The following ECE1 variants were observed in gnomAD, a reference collection of about 807,000 sequenced individuals.
ECE1 encodes endothelin converting enzyme 1.
A neutral mutation model predicts 98.6 loss-of-function variants in ECE1; 35 were observed. That is an observed-to-expected ratio of 0.35 (90% CI 0.27 to 0.47). The LOEUF is 0.47. Ranked by LOEUF, ECE1 falls within the 20% of genes least tolerant of loss-of-function variation. The pLI is 1.00. For missense variants in ECE1, 814 were observed against 1,025.3 expected (o/e 0.79, Z 2.81); for synonymous variants, 394 against 407.1 (o/e 0.97, Z 0.39).
intron 3 of ECE1, among the ~76,000 whole-genome samples, chr1:21,277,515 A>G (rs2098248916): frequency 6.6e-6 from 1 of 152,180 alleles, no homozygotes; most frequent in African/African-American, 2.4e-5. Context: ...CTGAGGCGAC[A>G]TGGCAGTGGC....
In ECE1 at chr1:21,233,590, G is replaced by A. The variant is rs202222719; in HGVS notation, c.1638C>T (p.Ala546=). Residue 546 remains alanine (A), a synonymous_variant, in exon 14 of 19, where the codon GCC becomes GCT. Transcript: ENST00000374893. This position sits in a 1 kb window ranked among gnomAD's most constrained non-coding sequence, Gnocchi z 4.0. ...TGTTGGGGGCTTTCCTGAGCTGATC[G>A]GCAGTGACCCTCCATGAGAAGTTGA... ...RFFNFSWRVT[A]DQLRKAPNRD... The A allele has an allele frequency of 3.2e-5, 52 of 1,613,850 alleles. 1 individual carries two copies. In the Admixed American group the frequency reaches 6.8e-4, roughly 21 times the overall value.
intron 1 of ECE1, among the ~76,000 whole-genome samples, chr1:21,296,161 G>T (rs962942542): frequency 6.6e-6 from 1 of 152,070 alleles, no homozygotes; most frequent in Non-Finnish European, 1.5e-5. Context: ...ATAACAGATT[G>T]CCCAGGTGAT....
chr1:21,285,907 G>A lies in ECE1; in HGVS notation c.138+4163C>T, dbSNP rs2098260034. On this transcript the variant is annotated intron_variant, in intron 2 of 18. Coordinates refer to ENST00000374893, the MANE Select transcript of ECE1 (RefSeq NM_001397.3). ...CTGGGGAGGCTGAGGTGGGAGAATT[G>A]CTTGAACCCAGGAGGTGGAGGTTGC... 2.0e-5 allele frequency among the ~76,000 whole-genome samples: 3 copies of A among 150,582 alleles called. No homozygotes were observed. The South Asian group carries it at 6.3e-4, about 32-fold the overall frequency.
At position 21,225,259 on chromosome 1, in the gene ECE1, C is replaced by A; in HGVS notation, c.2031G>T (p.Ala677=). The change falls in exon 17 of 19, where the codon GCG becomes GCT. Residue 677 remains alanine, a synonymous_variant. Coordinates refer to ENST00000374893, the MANE Select transcript of ECE1 (RefSeq NM_001397.3). This position sits in a 1 kb window ranked among gnomAD's most constrained non-coding sequence, Gnocchi z 5.3. ...ENIADNGGLK[A]AYRAYQNWVK... ...GGAGCGGGGCTCTCACCCGATAGGC[C>A]GCCTTGAGACCCCCGTTGTCGGCGA... is the stretch of plus-strand genomic sequence containing the variant. 1 of 1,614,112 alleles carries A rather than the reference C, an allele frequency of 6.2e-7. No homozygotes were observed. The highest frequency in any genetic ancestry group is 8.5e-7 in the Non-Finnish European group (1 of 1,180,024).
In ECE1 at chr1:21,327,737, C is replaced by T. The variant is rs527994533; in HGVS notation, c.3+17639G>A. Among the ~76,000 whole-genome samples the T allele has an allele frequency of 6.6e-6, 1 of 152,204 alleles. No individual in the cohort carries two copies. The highest frequency in any genetic ancestry group is 1.5e-5 in the Non-Finnish European group (1 of 68,044). On this transcript the variant is annotated intron_variant, in intron 1 of 18. Coordinates refer to the ECE1 transcript ENST00000415912. This position sits in a 1 kb window ranked among gnomAD's most constrained non-coding sequence, Gnocchi z 4.6. ...TACACAGCTGGGGTCCCCAGCCCCC[C>T]GGGCCTCAGACCAGTACCAGTCCAT...
rs199733557 is a variant in ECE1 at position 21,225,406 on chromosome 1, T to G, written c.1884A>C (p.Pro628=). ...CCTCCACGGATGAGTTCTTCCACCA[T>G]GGCCGGAGGTTCCCGTCCTTGTCAT... The part of the protein sequence containing the change: ...REYDKDGNLR[P]WWKNSSVEAF... Residue 628 remains proline, a synonymous_variant, in exon 17 of 19, where the codon CCA becomes CCC. Coordinates refer to ENST00000374893, the MANE Select transcript of ECE1 (RefSeq NM_001397.3). The surrounding 1 kb of genome is among the most constrained non-coding windows in gnomAD (Gnocchi z 5.3). 165 of 1,614,082 alleles carry G rather than the reference T, an allele frequency of 1.0e-4. No individual in the cohort carries two copies. The Admixed American group carries it at 1.4e-3, about 13-fold the overall frequency.
rs1195850085 is a variant in ECE1, at chr1:21,247,479, C to G, written c.1021-116G>C. 2.0e-6 allele frequency: 3 copies of G among 1,480,730 alleles called. No homozygotes were observed. In the East Asian group the frequency reaches 6.9e-5, roughly 34 times the overall value. The allele number at this position is 1,480,730 out of a possible 1,614,324, so 91.7% of individuals were successfully genotyped here. ...AGAGCTTGGGCTTGGCGCCATCTGA[C>G]AGCGCACCGGGCAGAGAGTCAAGCG... is the stretch of plus-strand genomic sequence containing the variant. On this transcript the variant is annotated intron_variant, in intron 8 of 18. Transcript: ENST00000374893.
At chr1:21,289,384 G>A (rs988653959) in intron 2 of ECE1, among the ~76,000 whole-genome samples, 6 of 152,138 alleles carry the variant, frequency 3.9e-5, no homozygotes, top group Admixed American at 2.0e-4. Flanking sequence ...AGGGCAGAAA[G>A]CAGCCTTGCT....
intron 1 of ECE1, among the ~76,000 whole-genome samples, chr1:21,296,568 A>G (rs529403606): frequency 6.6e-6 from 1 of 152,290 alleles, no homozygotes; most frequent in South Asian, 2.1e-4. Flanking sequence ...AAAACAAAAC[A>G]GAGTCATTGA....
rs111727460 is a variant in ECE1, at chr1:21,232,139, C to T, written c.1670+1419G>A. 4.7e-3 allele frequency among the ~76,000 whole-genome samples: 714 copies of T among 152,244 alleles called. 8 individuals are homozygous for T. Among genetic ancestry groups the T allele is most frequent in the African/African-American group, 0.017 (690 of 41,548 alleles). The stretch of plus-strand genomic sequence containing the variant: ...GAAGGAAATAGAGATGTTTGAACCC[C>T]TATAGTCCACCAGGGGGCACCAGAG... On this transcript the variant is annotated intron_variant, in intron 14 of 18. Coordinates refer to ENST00000374893, the MANE Select transcript of ECE1 (RefSeq NM_001397.3).
intron 1 of ECE1, among the ~76,000 whole-genome samples, chr1:21,297,530 CTTTTT>C (rs768958507): frequency 3.8e-4 from 44 of 116,196 alleles, no homozygotes; most frequent in African/African-American, 1.5e-3. Flanking sequence ...TTTTCTTTTT[CTTTTT>C]TTTTTTTTTT....
intron 1 of ECE1, among the ~76,000 whole-genome samples, chr1:21,326,015 GCTTT>G (rs1639071110): frequency 6.6e-6 from 1 of 152,200 alleles, no homozygotes; most frequent in Admixed American, 6.5e-5. Context: ...TGGGAAGGGG[GCTTT>G]CTTTGACTTG....
intron 8 of ECE1, among the ~76,000 whole-genome samples, chr1:21,249,939 ATTT>A (rs71014176): frequency 3.0e-5 from 4 of 134,790 alleles, no homozygotes; most frequent in Non-Finnish European, 4.8e-5. Context: ...ACCTTGGCTA[ATTT>A]TTTTTTTTTT....
At chr1:21,248,011 T>G (rs966133429) in intron 8 of ECE1, among the ~76,000 whole-genome samples, 4 of 152,190 alleles carry the variant, frequency 2.6e-5, no homozygotes, top group African/African-American at 7.2e-5. Flanking sequence ...AACTTCTACA[T>G]GATTGGTAAA....
chr1:21,292,125 C>T (rs1409060808), upstream of ECE1, among the ~76,000 whole-genome samples: 2 of 152,098 alleles, frequency 1.3e-5, no homozygotes, highest in African/African-American at 4.8e-5. Context: ...CACTGCACTC[C>T]AGCGTGGACG....
chr1:21,261,534 G>A (rs1047506467), intron 4 of ECE1, among the ~76,000 whole-genome samples: 1 of 152,134 alleles, frequency 6.6e-6, no homozygotes, highest in Non-Finnish European at 1.5e-5. Flanking sequence ...TTTGATGAAG[G>A]CTCTCCTAAG....
At chr1:21,255,870 TA>T in intron 8 of ECE1, 76 bp downstream of exon 8, 1 of 1,482,264 alleles carries the variant, frequency 6.7e-7, no homozygotes. Context: ...GAAATGAGTA[TA>T]AAAGCCCCCA....
Position 21,258,545 on chromosome 1 carries a change from G to T in ECE1, c.762+148C>A. On this transcript the variant is annotated intron_variant, in intron 6 of 18. Coordinates refer to ENST00000374893, the MANE Select transcript of ECE1 (RefSeq NM_001397.3). This position sits in a 1 kb window ranked among gnomAD's most constrained non-coding sequence, Gnocchi z 4.2. ...GCAGCCTGCAAAGATCTCACCAGTG[G>T]GGCCTCTGGAAATAACCCAGGCTCA... 7.8e-7 allele frequency: 1 copy of T among 1,275,380 alleles called. No homozygotes were observed. The allele number at this position is 1,275,380 out of a possible 1,614,324, so 79.0% of individuals were successfully genotyped here. A position where few individuals can be genotyped will look rare whatever the true frequency, so the allele number is the denominator to read the frequency against.
chr1:21,272,942 A>C, intron 3 of ECE1, 31 bp from the exon 4 acceptor site: 1 of 1,612,620 alleles, frequency 6.2e-7, no homozygotes, highest in Non-Finnish European at 8.5e-7. Context: ...AGGCCAGTGA[A>C]GGGCAGGCAG....
Sources: gnomAD v4.1 joint callset for allele counts (sites outside exome capture counted in the v4.1 genomes callset) on GRCh38, gnomAD v4.1.1 for gene constraint, Gnocchi (gnomAD v3.1) non-coding constraint, MANE v1.5 for transcripts, NCBI Gene and HGNC (gene_info 2026-07-23, HGNC 2026-07-21) for gene names.